PDZRN4: variants seen among roughly 807,000 people sequenced by gnomAD.
The protein encoded by PDZRN4 is PDZ domain-containing RING finger protein 4.
Under a neutral mutation model 99.0 loss-of-function variants are expected in PDZRN4, and 70 were observed. That is an observed-to-expected ratio of 0.71 (90% CI 0.58 to 0.86). The LOEUF is 0.86. PDZRN4 is among the 40% of genes least tolerant of loss of function. The pLI, the probability that PDZRN4 is intolerant of heterozygous loss-of-function variation, is 0.00. For synonymous variants in PDZRN4, 551 were observed against 501.6 expected (o/e 1.10, Z -1.32); for missense variants, 1,474 against 1,331.2 (o/e 1.11, Z -1.67).
At chr12:41,459,101 T>C (rs774860322) in intron 3 of PDZRN4, among the ~76,000 whole-genome samples, 2 of 152,146 alleles carry the variant, frequency 1.3e-5, no homozygotes, top group African/African-American at 2.4e-5. Flanking sequence ...TTCAGACAAA[T>C]ACCGGCAGCT....
At chr12:41,345,842 T>C (rs1012520748) in intron 3 of PDZRN4, among the ~76,000 whole-genome samples, 2 of 152,132 alleles carry the variant, frequency 1.3e-5, no homozygotes, top group African/African-American at 4.8e-5. Flanking sequence ...TGTTTTCCAA[T>C]TGGATTGTGT....
intron 3 of PDZRN4, among the ~76,000 whole-genome samples, chr12:41,331,934 T>G (rs1039256473): frequency 2.6e-5 from 4 of 152,116 alleles, no homozygotes; most frequent in African/African-American, 9.7e-5. Flanking sequence ...TCTGGAGCAT[T>G]AGCTAAGAAT....
At chr12:41,243,387 A>C (rs1203539863) in intron 3 of PDZRN4, among the ~76,000 whole-genome samples, 1 of 152,236 alleles carries the variant, frequency 6.6e-6, no homozygotes, top group Non-Finnish European at 1.5e-5. Context: ...AAAATTAATA[A>C]GTTCAGTCAG....
At chr12:41,426,056 T>A (rs1321364366) in intron 3 of PDZRN4, among the ~76,000 whole-genome samples, 1 of 152,188 alleles carries the variant, frequency 6.6e-6, no homozygotes, top group Non-Finnish European at 1.5e-5. Context: ...CAAGTTAGAA[T>A]TTCTAAAATT....
At chr12:41,560,072 G>C (rs1311669456) in intron 7 of PDZRN4, among the ~76,000 whole-genome samples, 1 of 151,946 alleles carries the variant, frequency 6.6e-6, no homozygotes, top group East Asian at 1.9e-4. Context: ...CTAATACCCT[G>C]GTTCTCATAT....
intron 5 of PDZRN4, among the ~76,000 whole-genome samples, chr12:41,532,823 T>C (rs1368578513): frequency 6.6e-6 from 1 of 152,220 alleles, no homozygotes; most frequent in Non-Finnish European, 1.5e-5. Context: ...TATTCTAAAT[T>C]GCTTGTAACA....
intron 3 of PDZRN4, among the ~76,000 whole-genome samples, chr12:41,310,608 C>G (rs557308194): frequency 6.6e-6 from 1 of 152,140 alleles, no homozygotes; most frequent in Non-Finnish European, 1.5e-5. Flanking sequence ...AGGCTTTATA[C>G]TGTTGCTAAG....
At chr12:41,517,624 A>T (rs773283059) in intron 5 of PDZRN4, among the ~76,000 whole-genome samples, 1 of 152,082 alleles carries the variant, frequency 6.6e-6, no homozygotes, top group East Asian at 1.9e-4. Context: ...TGAATGAATC[A>T]TATTCCACCT....
At chr12:41,303,027 G>GTTTA (rs1047459497) in intron 3 of PDZRN4, among the ~76,000 whole-genome samples, 7 of 151,944 alleles carry the variant, frequency 4.6e-5, no homozygotes, top group African/African-American at 1.7e-4. Context: ...AGCTACAAGT[G>GTTTA]TTTAGTCCAT....
At chr12:41,438,840 A>G (rs1952653843) in intron 3 of PDZRN4, among the ~76,000 whole-genome samples, 1 of 152,186 alleles carries the variant, frequency 6.6e-6, no homozygotes, top group Non-Finnish European at 1.5e-5. Context: ...CGAATTTCTT[A>G]TCTAGCAAAA....
At chr12:41,473,567 G>A (rs1182042980) in intron 3 of PDZRN4, 1 of 152,138 alleles carries the variant, frequency 6.6e-6, no homozygotes, top group Non-Finnish European at 1.5e-5. Flanking sequence ...CTAACTTCTG[G>A]CCATGGGCCC....
At chr12:41,351,370 T>C (rs1433707898) in intron 3 of PDZRN4, among the ~76,000 whole-genome samples, 1 of 152,034 alleles carries the variant, frequency 6.6e-6, no homozygotes, top group Non-Finnish European at 1.5e-5. Flanking sequence ...GACATATAAA[T>C]AGATGAAAAG....
chr12:41,194,926 A>G (rs1950761730), intron 3 of PDZRN4, among the ~76,000 whole-genome samples: 1 of 152,174 alleles, frequency 6.6e-6, no homozygotes, highest in African/African-American at 2.4e-5. Flanking sequence ...GTTTGGAATA[A>G]ATTATACAAT....
intron 3 of PDZRN4, among the ~76,000 whole-genome samples, chr12:41,233,454 T>A (rs954533525): frequency 2.0e-5 from 3 of 152,082 alleles, no homozygotes; most frequent in African/African-American, 7.2e-5. Context: ...ACCCAAAGGA[T>A]TATAAATCAT....
intron 8 of PDZRN4, among the ~76,000 whole-genome samples, chr12:41,564,942 A>G (rs933774495): frequency 1.3e-5 from 2 of 152,198 alleles, no homozygotes; most frequent in African/African-American, 4.8e-5. Flanking sequence ...TTTATGTTAT[A>G]ATGTGGTTTC....
chr12:41,446,788 C>G (rs1440498043), intron 3 of PDZRN4, among the ~76,000 whole-genome samples: 1 of 151,224 alleles, frequency 6.6e-6, no homozygotes, highest in East Asian at 1.9e-4. Flanking sequence ...ATCTAAGAAA[C>G]TTCATGGAAC....
At chr12:41,349,944 C>A (rs1951879237) in intron 3 of PDZRN4, among the ~76,000 whole-genome samples, 1 of 151,448 alleles carries the variant, frequency 6.6e-6, no homozygotes, top group African/African-American at 2.4e-5. Context: ...GCAAATAACA[C>A]CACATGGTTG....
chr12:41,288,845 C>T (rs568502094), intron 3 of PDZRN4, among the ~76,000 whole-genome samples: 70 of 152,104 alleles, frequency 4.6e-4, no homozygotes, highest in South Asian at 2.1e-3. Context: ...GTTAAACTAT[C>T]CAAGCCTTCT....
intron 3 of PDZRN4, among the ~76,000 whole-genome samples, chr12:41,358,325 G>A (rs1951942045): frequency 6.6e-6 from 1 of 151,958 alleles, no homozygotes; most frequent in Non-Finnish European, 1.5e-5. Context: ...CCTCAGCATA[G>A]AAAGAGAATA....
Sources: allele counts gnomAD v4.1 joint callset (sites outside exome capture counted in the v4.1 genomes callset), GRCh38; gene constraint gnomAD v4.1.1; transcripts MANE v1.5; gene names NCBI Gene and HGNC (gene_info 2026-07-23, HGNC 2026-07-21).